The following ZNF652 variants were observed in gnomAD, a reference collection of about 807,000 sequenced individuals.
ZNF652 encodes zinc finger protein 652.
ZNF652 carries 16 observed loss-of-function variants against 45.2 expected under a neutral mutation model. That is an observed-to-expected ratio of 0.35 (90% CI 0.24 to 0.54). ZNF652 has a LOEUF of 0.54. Among genes scored for constraint, ZNF652 ranks in the 20% least tolerant of loss-of-function variants. ZNF652 has a pLI of 0.91. For synonymous variants in ZNF652, 250 were observed against 260.6 expected, an observed-to-expected ratio of 0.96 and a Z score of 0.39; for missense variants, 614 against 765.6, an observed-to-expected ratio of 0.80 and a Z score of 2.34.
Position 49,311,932 on chromosome 17 carries a change from A to C in ZNF652, c.1159T>G (p.Cys387Gly). 6.2e-7 allele frequency: 1 copy of C among 1,612,700 alleles called. No homozygotes were observed. The highest frequency in any genetic ancestry group is 8.5e-7 in the Non-Finnish European group (1 of 1,178,960). ...LQHSGEKPFR[C>G]ENCDERFQYK... ...GTAGGTAGCACATTCCTTACCTCGC[A>C]TCTAAAGGGCTTCTCTCCAGAATGC... Residue 387 changes from cysteine (C) to glycine (G), a missense_variant, in exon 4 of 6, where the codon TGC becomes GGC. Around this residue, in one of 5 missense-constraint regions of ZNF652, gnomAD observed 81 missense variants for 167.0 expected, o/e 0.48. Coordinates refer to ENST00000430262, the MANE Select transcript of ZNF652 (RefSeq NM_001145365.3).
intron 1 of ZNF652, among the ~76,000 whole-genome samples, chr17:49,354,608 C>T (rs753515391): frequency 7.5e-6 from 1 of 132,680 alleles, no homozygotes; most frequent in Non-Finnish European, 1.6e-5. Flanking sequence ...AAGACTCCGC[C>T]TCAAAAAAAA....
chr17:49,336,373 C>T (rs1356249427), intron 1 of ZNF652, among the ~76,000 whole-genome samples: 5 of 147,410 alleles, frequency 3.4e-5, no homozygotes, highest in East Asian at 2.0e-4. Context: ...ACCTAGGCCC[C>T]GGCTGGAATG....
intron 1 of ZNF652, among the ~76,000 whole-genome samples, chr17:49,355,432 C>T (rs1402337715): frequency 1.3e-5 from 2 of 151,394 alleles, no homozygotes; most frequent in African/African-American, 4.9e-5. Flanking sequence ...CAAAAAGAAG[C>T]CAGGCATGGT....
intron 1 of ZNF652, among the ~76,000 whole-genome samples, chr17:49,348,519 G>GAA (rs1444636619): frequency 6.7e-6 from 1 of 148,296 alleles, no homozygotes; most frequent in African/African-American, 2.5e-5. Flanking sequence ...GAAAAGAAAA[G>GAA]AAAAGAAAAG....
chr17:49,345,612 T>G (rs1182461592), intron 1 of ZNF652, among the ~76,000 whole-genome samples: 2 of 149,306 alleles, frequency 1.3e-5, no homozygotes, highest in African/African-American at 4.9e-5. Context: ...GAGGCTGAGG[T>G]GGGCCGATCA....
chr17:49,323,100 C>A (rs2069916212), intron 1 of ZNF652, among the ~76,000 whole-genome samples: 1 of 152,308 alleles, frequency 6.6e-6, no homozygotes, highest in East Asian at 1.9e-4. Context: ...TAAAAGATTT[C>A]TCTGTAGGAT....
At chr17:49,318,481 G>C (rs1055778591) in intron 1 of ZNF652, among the ~76,000 whole-genome samples, 19 of 152,168 alleles carry the variant, frequency 1.2e-4, no homozygotes, top group African/African-American at 4.3e-4. Context: ...TTTTCTGTTA[G>C]ACTATAAATT....
intron 1 of ZNF652, among the ~76,000 whole-genome samples, chr17:49,333,722 G>GAA (rs749640282): frequency 1.4e-3 from 77 of 56,536 alleles, no homozygotes; most frequent in South Asian, 3.7e-3. Flanking sequence ...TCTGTCTCAA[G>GAA]AAAAAAAAAA....
intron 1 of ZNF652, among the ~76,000 whole-genome samples, chr17:49,338,555 T>A (rs924213758): frequency 6.6e-6 from 1 of 152,242 alleles, no homozygotes; most frequent in Non-Finnish European, 1.5e-5. Flanking sequence ...TAGTTTGAAT[T>A]ACTTTGAATT....
At chr17:49,313,972 TCAAAAAAAAAAAAAAAAAAAAA>T (rs2069757261) in intron 2 of ZNF652, among the ~76,000 whole-genome samples, 1 of 7,886 alleles carries the variant, frequency 1.3e-4, no homozygotes, top group Non-Finnish European at 2.2e-4. Context: ...AAACTCCATC[TCAAAAAAAAAAAAAAAAAAAAA>T]AAAAAAAAAA....
rs114423984 is a variant in ZNF652, at chr17:49,347,598, T to A, written c.-259+14311A>T. On this transcript the variant is annotated intron_variant, in intron 1 of 5. Transcript: ENST00000430262. The stretch of plus-strand genomic sequence containing the variant: ...TATAAAATTTGCAACCCCTAATGAA[T>A]GGATGTAGGCAAAAAGATCATCAAT... Among the ~76,000 whole-genome samples, 394 of 151,778 alleles carry A rather than the reference T, an allele frequency of 2.6e-3. 4 individuals carry two copies. Among genetic ancestry groups the A allele is most frequent in the African/African-American group, 9.0e-3 (373 of 41,366 alleles).
intron 1 of ZNF652, among the ~76,000 whole-genome samples, chr17:49,351,128 A>G (rs2070278824): frequency 6.6e-6 from 1 of 151,250 alleles, no homozygotes. Context: ...CTCGGTAAAG[A>G]CTACCAATTA....
chr17:49,337,591 T>C (rs940142111), intron 1 of ZNF652, among the ~76,000 whole-genome samples: 18 of 152,166 alleles, frequency 1.2e-4, no homozygotes, highest in African/African-American at 4.1e-4. Flanking sequence ...ACATCCAGTA[T>C]ATCTGTCTTA....
At chr17:49,342,984 C>T (rs1055087045) in intron 1 of ZNF652, among the ~76,000 whole-genome samples, 9 of 151,680 alleles carry the variant, frequency 5.9e-5, no homozygotes, top group Non-Finnish European at 8.8e-5. Flanking sequence ...CAGGTTCAAG[C>T]GATTCTCCTG....
chr17:49,298,220 G>C lies in ZNF652; in HGVS notation c.*193C>G. The C allele has an allele frequency of 1.4e-6, 1 of 689,894 alleles. No individual in the cohort carries two copies. Among genetic ancestry groups the C allele is most frequent in the South Asian group, 2.2e-5 (1 of 46,308 alleles). 42.7% of individuals were successfully genotyped at this position (689,894 alleles called of 1,614,324 possible). On this transcript the variant is annotated 3_prime_UTR_variant, in exon 6 of 6. Coordinates refer to ENST00000430262, the MANE Select transcript of ZNF652 (RefSeq NM_001145365.3). ...TTAGTTCAGTGGTTCCCCTGGTTTA[G>C]ATGACAGTCCCTCTGTGAGCTCAAG... is the stretch of plus-strand genomic sequence containing the variant.
intron 2 of ZNF652, among the ~76,000 whole-genome samples, chr17:49,313,896 C>T (rs905264051): frequency 2.3e-5 from 3 of 128,232 alleles, no homozygotes; most frequent in Non-Finnish European, 4.7e-5. Flanking sequence ...TCTCTTGAAC[C>T]GGGAGGTGGA....
Position 49,357,232 on chromosome 17 carries a change from G to C in ZNF652, c.-259+4677C>G, listed in dbSNP as rs138264151. 2.3e-3 allele frequency among the ~76,000 whole-genome samples: 353 copies of C among 152,058 alleles called. 1 individual carries two copies. Among genetic ancestry groups the C allele is most frequent in the Admixed American group, 5.4e-3 (82 of 15,264 alleles). On this transcript the variant is annotated intron_variant, in intron 1 of 5. Coordinates refer to ENST00000430262, the MANE Select transcript of ZNF652 (RefSeq NM_001145365.3). ...GAGAATTGCTTGAACCCAGGAGAAG[G>C]AGGTTGCAGTGAGCTGAGATCATGC...
intron 1 of ZNF652, among the ~76,000 whole-genome samples, chr17:49,331,551 C>T (rs902829106): frequency 6.6e-6 from 1 of 151,988 alleles, no homozygotes. Flanking sequence ...TGAGAGATGT[C>T]AAATTGACTA....
rs113147195 is a variant in ZNF652, at chr17:49,328,035, T to C, written c.-258-10052A>G. Among the ~76,000 whole-genome samples the C allele has an allele frequency of 7.8e-3, 1,187 of 152,086 alleles. 22 individuals carry two copies. Among genetic ancestry groups the C allele is most frequent in the African/African-American group, 0.025 (1,038 of 41,516 alleles). On this transcript the variant is annotated intron_variant, in intron 1 of 5. Coordinates refer to ENST00000430262, the MANE Select transcript of ZNF652 (RefSeq NM_001145365.3). ...AGGTGAGTCATGACCTTGGGTAAGT[T>C]ACTTCTTTATGTCTCATTTTCTGTA...
Sources: gnomAD v4.1 joint callset for allele counts (sites outside exome capture counted in the v4.1 genomes callset) on GRCh38, gnomAD v4.1.1 for gene constraint, gnomAD v4.1.1 regional missense constraint, MANE v1.5 for transcripts, NCBI Gene and HGNC (gene_info 2026-07-23, HGNC 2026-07-21) for gene names.